The following DGKI variants were observed in gnomAD, a reference collection of about 807,000 sequenced individuals.
DGKI encodes DAG kinase iota.
Under a neutral mutation model 147.5 loss-of-function variants are expected in DGKI, and 55 were observed. The ratio of observed to expected loss-of-function variants is 0.37; its 90% confidence interval spans 0.30 to 0.47. DGKI has a LOEUF of 0.47. Ranked by LOEUF, DGKI falls within the 20% of genes least tolerant of loss-of-function variation. The probability of loss-of-function intolerance (pLI) is 1.00; values close to 1 mark genes in which losing one functional copy is unlikely to be tolerated. For synonymous variants in DGKI, 469 were observed against 477.1 expected, an observed-to-expected ratio of 0.98 and a Z score of 0.22; for missense variants, 1,007 against 1,323.8, an observed-to-expected ratio of 0.76 and a Z score of 3.71.
At chr7:137,475,863 A>G (rs1815153434) in intron 23 of DGKI, among the ~76,000 whole-genome samples, 1 of 152,220 alleles carries the variant, frequency 6.6e-6, no homozygotes, top group African/African-American at 2.4e-5. Context: ...AATTTTGGAA[A>G]AAGGATTTTG....
chr7:137,721,969 T>G (rs1794569763), intron 1 of DGKI: 1 of 1,447,132 alleles, frequency 6.9e-7, no homozygotes. Context: ...CATAGTGAGC[T>G]CTTTCCCATC....
At chr7:137,535,768 A>G (rs1817496847) in intron 20 of DGKI, among the ~76,000 whole-genome samples, 1 of 152,168 alleles carries the variant, frequency 6.6e-6, no homozygotes, top group African/African-American at 2.4e-5. Context: ...CCCTAAGTGT[A>G]TTGCGCCTTT....
chr7:137,806,738 C>T (rs1797383026), intron 1 of DGKI, among the ~76,000 whole-genome samples: 1 of 152,176 alleles, frequency 6.6e-6, no homozygotes, highest in Admixed American at 6.6e-5. Flanking sequence ...CGGCCTGAAC[C>T]TCTGCATCTA....
intron 1 of DGKI, among the ~76,000 whole-genome samples, chr7:137,786,297 CA>C (rs1156713475): frequency 6.6e-6 from 1 of 152,066 alleles, no homozygotes; most frequent in Non-Finnish European, 1.5e-5. Context: ...TTAATGTACA[CA>C]AATCAGTAGC....
intron 20 of DGKI, among the ~76,000 whole-genome samples, chr7:137,535,428 T>G (rs1305554706): frequency 1.3e-5 from 2 of 152,162 alleles, no homozygotes; most frequent in African/African-American, 4.8e-5. Context: ...GATTTCTATT[T>G]GTGAAATTTA....
chr7:137,410,249 C>CA (rs1480368084), intron 29 of DGKI, among the ~76,000 whole-genome samples: 3 of 152,058 alleles, frequency 2.0e-5, no homozygotes, highest in Non-Finnish European at 4.4e-5. Context: ...AGTAAAAATA[C>CA]AAAAAATTAG....
chr7:137,418,934 T>C (rs1244594386), intron 28 of DGKI, among the ~76,000 whole-genome samples: 2 of 152,186 alleles, frequency 1.3e-5, no homozygotes, highest in African/African-American at 4.8e-5. Context: ...GTAATAATAC[T>C]CTACTTTCTA....
At chr7:137,764,028 A>G (rs1411162205) in intron 1 of DGKI, among the ~76,000 whole-genome samples, 1 of 152,218 alleles carries the variant, frequency 6.6e-6, no homozygotes, top group African/African-American at 2.4e-5. Flanking sequence ...TAAGCCCCTA[A>G]AAGTGTCAAG....
At chr7:137,712,930 C>T (rs1308233190) in intron 1 of DGKI, among the ~76,000 whole-genome samples, 7 of 152,080 alleles carry the variant, frequency 4.6e-5, no homozygotes, top group African/African-American at 7.2e-5. Context: ...ACTTGTTCTG[C>T]GAAGAATCCT....
At position 137,753,045 on chromosome 7, in the gene DGKI, TAC is replaced by T. The variant is rs3054913; in HGVS notation, c.402-63045_402-63044del. ...GCATGCTAGTACATACGAATGTACA[TAC>T]ACACACACACACACACACGCACACC... On this transcript the variant is annotated intron_variant, in intron 1 of 32. Coordinates refer to ENST00000614521, the MANE Select transcript of DGKI (RefSeq NM_001321708.2). Among the ~76,000 whole-genome samples the T allele has an allele frequency of 2.6e-3, 393 of 150,020 alleles. 2 individuals carry two copies. The highest frequency in any genetic ancestry group is 7.9e-3 in the African/African-American group (326 of 41,028).
At chr7:137,420,308 A>G (rs1421597848) in intron 28 of DGKI, among the ~76,000 whole-genome samples, 1 of 152,238 alleles carries the variant, frequency 6.6e-6, no homozygotes. Flanking sequence ...GAGAGAGCGT[A>G]GATCCCACAT....
At chr7:137,412,845 T>C (rs1812212837) in intron 28 of DGKI, among the ~76,000 whole-genome samples, 1 of 152,198 alleles carries the variant, frequency 6.6e-6, no homozygotes, top group African/African-American at 2.4e-5. Context: ...GGCATTTAAT[T>C]TATTGATGAT....
chr7:137,403,260 A>G (rs1811831148), intron 30 of DGKI, among the ~76,000 whole-genome samples: 1 of 152,158 alleles, frequency 6.6e-6, no homozygotes, highest in Non-Finnish European at 1.5e-5. Context: ...AGTTTTTCAT[A>G]AAGGAAAGCA....
At chr7:137,766,507 C>T (rs1796018081) in intron 1 of DGKI, among the ~76,000 whole-genome samples, 1 of 152,142 alleles carries the variant, frequency 6.6e-6, no homozygotes, top group Non-Finnish European at 1.5e-5. Context: ...AGTTACAAAT[C>T]TCAAAGAGCA....
chr7:137,828,054 A>ACCGC (rs1798110180), intron 1 of DGKI, among the ~76,000 whole-genome samples: 2 of 152,154 alleles, frequency 1.3e-5, no homozygotes, highest in Admixed American at 1.3e-4. Flanking sequence ...CTGCCCGCTG[A>ACCGC]CCGCCCGCTC....
chr7:137,749,267 C>T (rs1483046494), intron 1 of DGKI, among the ~76,000 whole-genome samples: 1 of 152,162 alleles, frequency 6.6e-6, no homozygotes, highest in Non-Finnish European at 1.5e-5. Flanking sequence ...AAGGCAAGGG[C>T]AGCACCCTAA....
intron 1 of DGKI, among the ~76,000 whole-genome samples, chr7:137,761,856 A>G (rs1180061468): frequency 6.6e-6 from 1 of 152,150 alleles, no homozygotes; most frequent in East Asian, 1.9e-4. Context: ...AATGTCTCAC[A>G]GGCAGCCTAA....
At chr7:137,641,144 GCT>G (rs764980239) in intron 6 of DGKI, among the ~76,000 whole-genome samples, 49 of 152,126 alleles carry the variant, frequency 3.2e-4, no homozygotes, top group South Asian at 6.2e-4. Context: ...CCCTGCACAA[GCT>G]CTCTCTTTGC....
At chr7:137,720,412 C>T (rs1282839342) in intron 1 of DGKI, among the ~76,000 whole-genome samples, 5 of 151,978 alleles carry the variant, frequency 3.3e-5, no homozygotes, top group East Asian at 1.9e-4. Flanking sequence ...CGCCTGCCAT[C>T]GCGCCTGGCT....
Sources: allele counts gnomAD v4.1 joint callset (sites outside exome capture counted in the v4.1 genomes callset), GRCh38; gene constraint gnomAD v4.1.1; transcripts MANE v1.5; gene names NCBI Gene and HGNC (gene_info 2026-07-23, HGNC 2026-07-21).